RBFOX1: variants seen among roughly 807,000 people sequenced by gnomAD.
RBFOX1 encodes the protein RNA binding protein fox-1 homolog 1.
A neutral mutation model predicts 57.7 loss-of-function variants in RBFOX1; 8 were observed. That is an observed-to-expected ratio of 0.14 (90% confidence interval 0.08 to 0.25). RBFOX1 has a LOEUF of 0.25. Ranked by LOEUF, RBFOX1 falls within the 10% of genes least tolerant of loss-of-function variation. The pLI is 1.00. For synonymous variants in RBFOX1, 326 were observed against 222.4 expected (o/e 1.47, Z -4.15); for missense variants, 611 against 548.5 (o/e 1.11, Z -1.14).
intron 10 of RBFOX1, among the ~76,000 whole-genome samples, chr16:7,623,763 G>A (rs997120617): frequency 6.6e-6 from 1 of 152,150 alleles, no homozygotes; most frequent in Non-Finnish European, 1.5e-5. Flanking sequence ...TGTTGGCAGG[G>A]TTGGTTTCTT....
At chr16:6,952,749 G>A (rs866845974) in intron 3 of RBFOX1, among the ~76,000 whole-genome samples, 10 of 152,254 alleles carry the variant, frequency 6.6e-5, no homozygotes, top group Middle Eastern at 3.4e-3. Context: ...AATCTGAAGC[G>A]GGCGGATCAC....
At chr16:7,607,882 C>A (rs185998221) in intron 10 of RBFOX1, among the ~76,000 whole-genome samples, 15 of 152,308 alleles carry the variant, frequency 9.8e-5, no homozygotes, top group Non-Finnish European at 2.1e-4. Context: ...ACTTTGCCTT[C>A]CAGAATATGT....
At chr16:6,301,304 C>G (rs868554270) in intron 1 of RBFOX1, among the ~76,000 whole-genome samples, 1 of 152,090 alleles carries the variant, frequency 6.6e-6, no homozygotes, top group African/African-American at 2.4e-5. Context: ...TAGACTATGG[C>G]TAGAAATTAA....
intron 1 of RBFOX1, among the ~76,000 whole-genome samples, chr16:6,211,227 A>ATTTTTTTTTT (rs140569689): frequency 1.9e-5 from 2 of 105,250 alleles, no homozygotes; most frequent in Non-Finnish European, 2.1e-5. Flanking sequence ...AATCTAGTTA[A>ATTTTTTTTTT]CTTTTTTTTT....
At chr16:7,700,439 T>C (rs1053726247) in intron 14 of RBFOX1, among the ~76,000 whole-genome samples, 1 of 152,208 alleles carries the variant, frequency 6.6e-6, no homozygotes, top group Non-Finnish European at 1.5e-5. Context: ...CTAGAAATTC[T>C]GACTGAGGGA....
At chr16:5,431,667 C>G (rs879811956) in intron 1 of RBFOX1, among the ~76,000 whole-genome samples, 55 of 152,118 alleles carry the variant, frequency 3.6e-4, no homozygotes, top group Admixed American at 2.6e-4. Flanking sequence ...GCCACCGTGC[C>G]CAGCCGCTGG....
chr16:6,761,339 T>A (rs931857074), intron 3 of RBFOX1, among the ~76,000 whole-genome samples: 2 of 152,144 alleles, frequency 1.3e-5, no homozygotes, highest in African/African-American at 2.4e-5. Flanking sequence ...CACTTGTATA[T>A]GTTTAAGAAA....
chr16:6,008,785 T>C (rs1051768159), intron 4 of RBFOX1, among the ~76,000 whole-genome samples: 3 of 152,238 alleles, frequency 2.0e-5, no homozygotes, highest in Non-Finnish European at 2.9e-5. Flanking sequence ...TCCTGTGCTG[T>C]TCTGTGTTCT....
intron 2 of RBFOX1, among the ~76,000 whole-genome samples, chr16:5,556,799 CA>C (rs2045695364): frequency 6.6e-6 from 1 of 152,232 alleles, no homozygotes; most frequent in Admixed American, 6.5e-5. Context: ...TCTGTGGCCA[CA>C]TAAGTTTGAG....
intron 2 of RBFOX1, among the ~76,000 whole-genome samples, chr16:6,516,209 A>C (rs1174158903): frequency 6.6e-6 from 1 of 152,136 alleles, no homozygotes; most frequent in East Asian, 1.9e-4. Context: ...TTGTATTTTT[A>C]GTAGTGACAG....
In RBFOX1 at chr16:7,274,511, G is replaced by C. The variant is rs537874379; in HGVS notation, c.27+222413G>C. On this transcript the variant is annotated intron_variant, in intron 4 of 15. Coordinates refer to ENST00000550418, the MANE Select transcript of RBFOX1 (RefSeq NM_018723.4). ...GAATACATACATATGTTGAATGCCT[G>C]AGAGTTTGGGACTTCTCTGCTCTGT... Among the ~76,000 whole-genome samples the C allele has an allele frequency of 7.7e-4, 117 of 152,196 alleles. 2 individuals carry two copies. In the Middle Eastern group the frequency reaches 0.014, roughly 18 times the overall value.
chr16:5,301,108 A>T (rs1277986943), intron 1 of RBFOX1, among the ~76,000 whole-genome samples: 1 of 152,208 alleles, frequency 6.6e-6, no homozygotes, highest in African/African-American at 2.4e-5. Flanking sequence ...ACATGGAGAA[A>T]ATGATGGGAT....
intron 4 of RBFOX1, among the ~76,000 whole-genome samples, chr16:5,889,537 G>C (rs2057993763): frequency 6.6e-6 from 1 of 152,154 alleles, no homozygotes; most frequent in African/African-American, 2.4e-5. Context: ...ACATGTGTGT[G>C]TACCTTTATA....
At chr16:7,418,719 A>G (rs1012379119) in intron 4 of RBFOX1, among the ~76,000 whole-genome samples, 3 of 152,174 alleles carry the variant, frequency 2.0e-5, no homozygotes, top group Non-Finnish European at 4.4e-5. Context: ...TCTGCTCTCT[A>G]GAACTAATAC....
intron 4 of RBFOX1, among the ~76,000 whole-genome samples, chr16:7,300,750 C>G (rs1258456377): frequency 6.6e-6 from 1 of 152,126 alleles, no homozygotes; most frequent in East Asian, 1.9e-4. Flanking sequence ...AAAAAAGTTA[C>G]AATATTATTT....
intron 1 of RBFOX1, among the ~76,000 whole-genome samples, chr16:5,346,496 G>GA (rs1567365100): frequency 2.0e-5 from 3 of 152,086 alleles, no homozygotes; most frequent in African/African-American, 7.3e-5. Flanking sequence ...GGTGCTTTGC[G>GA]GAGAGAGAGA....
chr16:6,967,566 C>T (rs12709164), intron 3 of RBFOX1, among the ~76,000 whole-genome samples: 115,291 of 151,688 alleles, frequency 0.76, 43,953 homozygotes, highest in African/African-American at 0.79. Context: ...TTCTCCTACA[C>T]CTCTTTACAT....
chr16:6,092,710 A>T (rs28532444), intron 1 of RBFOX1: 85,426 of 151,878 alleles, frequency 0.56, 24,832 homozygotes, highest in African/African-American at 0.69. Context: ...GGTGTGTGGC[A>T]TTATTTCTGG....
chr16:7,097,793 A>T (rs907631794), intron 4 of RBFOX1, among the ~76,000 whole-genome samples: 10 of 152,212 alleles, frequency 6.6e-5, no homozygotes, highest in Non-Finnish European at 1.0e-4. Flanking sequence ...GGGAGAAAGA[A>T]AAATCTAAAA....
Sources: gnomAD v4.1 joint callset for allele counts (sites outside exome capture counted in the v4.1 genomes callset) on GRCh38, gnomAD v4.1.1 for gene constraint, MANE v1.5 for transcripts, NCBI Gene and HGNC (gene_info 2026-07-23, HGNC 2026-07-21) for gene names.